The following SHROOM4 variants were observed in gnomAD, a reference collection of about 807,000 sequenced individuals.
The protein encoded by SHROOM4 is protein Shroom4.
A neutral mutation model predicts 80.3 loss-of-function variants in SHROOM4; 17 were observed. The ratio of observed to expected loss-of-function variants is 0.21; its 90% confidence interval spans 0.14 to 0.32. The LOEUF (loss-of-function observed/expected upper bound fraction) is 0.32, where lower values mean the gene tolerates loss of function less well. Among genes scored for constraint, SHROOM4 ranks in the 10% least tolerant of loss-of-function variants. The pLI is 1.00. For missense variants in SHROOM4, 993 were observed against 1,140.3 expected (o/e 0.87, Z 1.86); for synonymous variants, 400 against 437.5 (o/e 0.91, Z 1.07).
chrX:50,810,791 T>G (rs1557273367), intron 1 of SHROOM4, among the ~76,000 whole-genome samples: 1 of 112,255 alleles, frequency 8.9e-6, no homozygotes, highest in African/African-American at 3.2e-5. Context: ...CCATTGACTC[T>G]CAGTATGATA....
At chrX:50,668,214 C>CGGTA (rs1932751671) in intron 2 of SHROOM4, among the ~76,000 whole-genome samples, 1 of 111,942 alleles carries the variant, frequency 8.9e-6, no homozygotes, top group South Asian at 3.8e-4. Flanking sequence ...CCCCGCTTGG[C>CGGTA]GGTAACAAGG....
At position 50,776,450 on chromosome X, in the gene SHROOM4, A is replaced by C. The variant is rs184114595; in HGVS notation, c.117+37452T>G. Among the ~76,000 whole-genome samples the C allele has an allele frequency of 1.4e-3, 156 of 111,265 alleles. 1 individual carries two copies. Among genetic ancestry groups the C allele is most frequent in the African/African-American group, 4.7e-3 (143 of 30,616 alleles). On this transcript the variant is annotated intron_variant, in intron 1 of 8. Transcript: ENST00000376020. The stretch of plus-strand genomic sequence containing the variant: ...TCTATTCACATCAGAAAATCTACAT[A>C]TAAATAACACTATCTGCAATTCACA...
At chrX:50,739,291 A>G (rs1181500143) in intron 1 of SHROOM4, among the ~76,000 whole-genome samples, 2 of 111,844 alleles carry the variant, frequency 1.8e-5, no homozygotes, top group African/African-American at 6.5e-5. Flanking sequence ...CATGTCTAAA[A>G]CACCAAAAGC....
intron 1 of SHROOM4, among the ~76,000 whole-genome samples, chrX:50,796,605 G>A (rs1256353872): frequency 1.8e-5 from 2 of 111,649 alleles, no homozygotes; most frequent in Non-Finnish European, 3.8e-5. Context: ...TATAGAAAGG[G>A]AAACTAAAAT....
chrX:50,738,388 T>C (rs1387383067), intron 1 of SHROOM4, among the ~76,000 whole-genome samples: 1 of 111,072 alleles, frequency 9.0e-6, no homozygotes, highest in East Asian at 2.8e-4. Context: ...GAAGTCAAAT[T>C]GTCCTTGTTT....
chrX:50,804,382 C>T (rs1557272879), intron 1 of SHROOM4, among the ~76,000 whole-genome samples: 1 of 111,749 alleles, frequency 8.9e-6, no homozygotes, highest in African/African-American at 3.3e-5. Context: ...CAAAGACCTT[C>T]CTTTGACCCT....
intron 1 of SHROOM4, among the ~76,000 whole-genome samples, chrX:50,801,770 A>C (rs1557272625): frequency 1.8e-5 from 2 of 112,030 alleles, no homozygotes; most frequent in African/African-American, 6.5e-5. Flanking sequence ...CACTTGGGCA[A>C]TCTTTTACAC....
At chrX:50,639,148 C>A (rs912469263) in intron 2 of SHROOM4, among the ~76,000 whole-genome samples, 28 of 112,686 alleles carry the variant, frequency 2.5e-4, no homozygotes, top group African/African-American at 9.0e-4. Flanking sequence ...ACATACAGGA[C>A]CCATCGCTGT....
At chrX:50,629,257 C>T (rs896567200) in intron 4 of SHROOM4, among the ~76,000 whole-genome samples, 1 of 111,537 alleles carries the variant, frequency 9.0e-6, no homozygotes, top group Non-Finnish European at 1.9e-5. Context: ...AACTTGCTGT[C>T]CCAGTGGAAG....
At chrX:50,790,420 G>T (rs1227282228) in intron 1 of SHROOM4, among the ~76,000 whole-genome samples, 2 of 111,374 alleles carry the variant, frequency 1.8e-5, no homozygotes, top group Non-Finnish European at 3.8e-5. Flanking sequence ...CCCAAAAATT[G>T]AAGAGAAGGG....
At chrX:50,661,773 A>AT in intron 2 of SHROOM4, among the ~76,000 whole-genome samples, 1 of 111,840 alleles carries the variant, frequency 8.9e-6, no homozygotes, top group East Asian at 2.8e-4. Context: ...CAGTTTGGGC[A>AT]TGTTGGATTG....
At chrX:50,624,756 G>A (rs1403897235) in intron 5 of SHROOM4, among the ~76,000 whole-genome samples, 2 of 109,721 alleles carry the variant, frequency 1.8e-5, no homozygotes, top group Admixed American at 9.8e-5. Flanking sequence ...AGGACTACAG[G>A]TGTGTACTAT....
At chrX:50,651,815 G>A (rs781869069) in intron 2 of SHROOM4, among the ~76,000 whole-genome samples, 2 of 106,729 alleles carry the variant, frequency 1.9e-5, no homozygotes, top group Non-Finnish European at 3.8e-5. Context: ...TTTCACTTAT[G>A]AGTGAGAACA....
At chrX:50,749,960 A>G (rs782385911) in intron 1 of SHROOM4, among the ~76,000 whole-genome samples, 1 of 111,668 alleles carries the variant, frequency 9.0e-6, no homozygotes, top group Admixed American at 9.5e-5. Context: ...GAGGGTTACC[A>G]AAGCCACAGT....
rs781995602 is a variant in SHROOM4, at chrX:50,652,853, G to A, written c.270-14545C>T. Among the ~76,000 whole-genome samples, 49 of 111,799 alleles carry A rather than the reference G, an allele frequency of 4.4e-4. No homozygotes were observed. The South Asian group carries it at 0.018, about 41-fold the overall frequency. ...TTTCCCCATTGCTTGTTTTTGTCAG[G>A]TTTGTCAAAGATCAGATTGTTGTAG... On this transcript the variant is annotated intron_variant, in intron 2 of 8. Transcript: ENST00000376020.
intron 2 of SHROOM4, among the ~76,000 whole-genome samples, chrX:50,673,815 C>T (rs1303901739): frequency 9.1e-6 from 1 of 109,349 alleles, no homozygotes; most frequent in Non-Finnish European, 1.9e-5. Flanking sequence ...ATAAAACTGT[C>T]GCTTTTTGGA....
At chrX:50,788,682 A>G (rs1002679169) in intron 1 of SHROOM4, among the ~76,000 whole-genome samples, 11 of 112,047 alleles carry the variant, frequency 9.8e-5, no homozygotes, top group Non-Finnish European at 2.1e-4. Context: ...CTCTATTAAT[A>G]ACTACTTTAA....
intron 2 of SHROOM4, among the ~76,000 whole-genome samples, chrX:50,656,847 T>C (rs892328206): frequency 4.5e-5 from 5 of 111,443 alleles, no homozygotes; most frequent in Non-Finnish European, 7.5e-5. Context: ...GTATGGACAT[T>C]TTAATGATAG....
At chrX:50,673,349 A>T (rs1311163105) in intron 2 of SHROOM4, among the ~76,000 whole-genome samples, 1 of 111,506 alleles carries the variant, frequency 9.0e-6, no homozygotes, top group African/African-American at 3.2e-5. Context: ...ATAAACTGTG[A>T]TACATGATGT....
Sources: allele counts gnomAD v4.1 joint callset (sites outside exome capture counted in the v4.1 genomes callset), GRCh38; gene constraint gnomAD v4.1.1; transcripts MANE v1.5; gene names NCBI Gene and HGNC (gene_info 2026-07-23, HGNC 2026-07-21).